Variants in GALK2 observed in about 807,000 individuals in gnomAD.
The protein encoded by GALK2 is galactokinase 2.
A neutral mutation model predicts 52.4 loss-of-function variants in GALK2; 36 were observed. The ratio of observed to expected loss-of-function variants is 0.69; its 90% CI spans 0.53 to 0.91. The LOEUF (loss-of-function observed/expected upper bound fraction) is 0.91. Ranked by LOEUF, GALK2 falls within the 40% of genes least tolerant of loss-of-function variation. The pLI is 0.00. For synonymous variants in GALK2, 176 were observed against 199.1 expected (o/e 0.88, Z 0.98); for missense variants, 579 against 559.1 (o/e 1.04, Z -0.36).
chr15:49,309,229 G>A (rs185259876), intron 8 of GALK2, among the ~76,000 whole-genome samples: 9 of 152,260 alleles, frequency 5.9e-5, no homozygotes, highest in Non-Finnish European at 8.8e-5. Context: ...CTGGTTTCAC[G>A]TTCTAATAGA....
intron 5 of GALK2, among the ~76,000 whole-genome samples, chr15:49,253,295 C>T (rs2091686232): frequency 7.0e-6 from 1 of 143,856 alleles, no homozygotes; most frequent in African/African-American, 2.5e-5. Flanking sequence ...CTTAGCATCT[C>T]TCAGGAGATC....
chr15:49,255,727 A>T (rs149522341), intron 5 of GALK2, among the ~76,000 whole-genome samples: 1 of 152,086 alleles, frequency 6.6e-6, no homozygotes, highest in Non-Finnish European at 1.5e-5. Flanking sequence ...ATAAAGGTGG[A>T]GTTTTTGTTA....
chr15:49,348,273 C>T (rs1406308585), intron 3 of GALK2, among the ~76,000 whole-genome samples: 1 of 152,124 alleles, frequency 6.6e-6, no homozygotes, highest in Non-Finnish European at 1.5e-5. Context: ...CTCCACAAAG[C>T]TATTCCAAAT....
chr15:49,356,139 C>T (rs1035068905), intron 3 of GALK2, among the ~76,000 whole-genome samples: 9 of 151,932 alleles, frequency 5.9e-5, no homozygotes, highest in African/African-American at 2.2e-4. Context: ...TAAAATCATG[C>T]CAAAATGTAA....
chr15:49,355,258 C>T (rs1025747052), intron 3 of GALK2, among the ~76,000 whole-genome samples: 1 of 152,188 alleles, frequency 6.6e-6, no homozygotes, highest in Non-Finnish European at 1.5e-5. Flanking sequence ...TTGAAGAGCT[C>T]AGAGAAGAAG....
At chr15:49,283,040 C>T (rs2032917334) in intron 6 of GALK2, among the ~76,000 whole-genome samples, 2 of 152,138 alleles carry the variant, frequency 1.3e-5, no homozygotes, top group South Asian at 4.1e-4. Flanking sequence ...CCACTTCTCA[C>T]CCCTCAAACT....
Position 49,283,641 on chromosome 15 carries a change from A to G in GALK2, c.679A>G (p.Asn227Asp), listed in dbSNP as rs539882250. ...AAGTGGAGCAGTGTTTGTGATTGCC[A>G]ACAGTTGTGTGGAGATGAATAAGGC... ...LPSGAVFVIA[N>D]SCVEMNKAAT... Residue 227 changes from asparagine to aspartate, a missense_variant, in exon 7 of 10, where the codon AAC becomes GAC. Physicochemically the swap from Asn to Asp is conservative, Grantham distance 23. Coordinates refer to ENST00000560031, the MANE Select transcript of GALK2 (RefSeq NM_002044.4). The G allele has an allele frequency of 8.1e-6, 13 of 1,614,076 alleles. No individual in the cohort carries two copies. In the Admixed American group the frequency reaches 1.2e-4, roughly 14 times the overall value.
At chr15:49,293,317 G>A (rs983253798) in intron 8 of GALK2, among the ~76,000 whole-genome samples, 1 of 152,232 alleles carries the variant, frequency 6.6e-6, no homozygotes, top group African/African-American at 2.4e-5. Context: ...ACTTTGGGAT[G>A]AGATAAGGGA....
rs772142490 is a variant in GALK2 at position 49,217,275 on chromosome 15, G to A, written c.228G>A (p.Thr76=). 18 of 1,613,608 alleles carry A rather than the reference G, an allele frequency of 1.1e-5. No homozygotes were observed. Among genetic ancestry groups the A allele is most frequent in the African/African-American group, 2.7e-5 (2 of 74,876 alleles). Residue 76 remains threonine (T), a synonymous_variant, in exon 3 of 10, where the codon ACG becomes ACA. Transcript: ENST00000560031. ...DVLIAVEPVK[T]YALQLANTNP... Reference sequence around the variant, plus strand: ...TAATAGCTGTAGAACCTGTGAAAACGTACGCTCTCCAACTGGCCAATACAA... The same window carrying A: ...TAATAGCTGTAGAACCTGTGAAAACATACGCTCTCCAACTGGCCAATACAA...
intron 1 of GALK2, among the ~76,000 whole-genome samples, chr15:49,192,474 TA>T (rs2086798138): frequency 1.0e-5 from 1 of 97,914 alleles, no homozygotes; most frequent in Non-Finnish European, 2.0e-5. Flanking sequence ...CAATGAATAT[TA>T]TATATATATG....
chr15:49,239,661 C>A (rs963603435), intron 5 of GALK2, among the ~76,000 whole-genome samples: 4 of 152,144 alleles, frequency 2.6e-5, no homozygotes, highest in Admixed American at 2.6e-4. Context: ...AAATTTAGGG[C>A]AAGAAATTCT....
In GALK2 at chr15:49,329,846, T is replaced by C; in HGVS notation, c.*1687T>C. 1.3e-6 allele frequency: 1 copy of C among 788,588 alleles called. No individual in the cohort carries two copies. The highest frequency in any genetic ancestry group is 1.5e-6 in the Non-Finnish European group (1 of 651,202). 48.8% of individuals were successfully genotyped at this position (788,588 alleles called of 1,614,324 possible). Reference sequence around the variant, plus strand: ...AAAGGCACCTGTCATTGTTTTGCTGTTCCATTTACAATTTTCACCAGGTGA... The same window carrying C: ...AAAGGCACCTGTCATTGTTTTGCTGCTCCATTTACAATTTTCACCAGGTGA... On this transcript the variant is annotated 3_prime_UTR_variant, in exon 10 of 10. Transcript: ENST00000560031.
At chr15:49,181,021 A>ATCCT (rs138715818) in intron 1 of GALK2, among the ~76,000 whole-genome samples, 2,596 of 124,894 alleles carry the variant, frequency 0.021, 73 homozygotes, top group African/African-American at 0.058. Context: ...TGCTAGACCA[A>ATCCT]TCCTTCCTTC....
intron 7 of GALK2, among the ~76,000 whole-genome samples, chr15:49,289,697 G>T (rs541905979): frequency 6.6e-6 from 1 of 152,276 alleles, no homozygotes; most frequent in African/African-American, 2.4e-5. Flanking sequence ...AGACTCACCT[G>T]CCAATATCAG....
At chr15:49,173,261 T>C (rs1171999895) in intron 1 of GALK2, among the ~76,000 whole-genome samples, 1 of 152,194 alleles carries the variant, frequency 6.6e-6, no homozygotes, top group Non-Finnish European at 1.5e-5. Context: ...CATTCCTTTT[T>C]ATGGTTAAAT....
At chr15:49,241,587 G>A (rs781139263) in intron 5 of GALK2, among the ~76,000 whole-genome samples, 8 of 152,208 alleles carry the variant, frequency 5.3e-5, no homozygotes, top group Admixed American at 1.3e-4. Context: ...GACAAGAGCA[G>A]TTTTAGATGG....
At chr15:49,320,324 T>G (rs1218308333) in intron 9 of GALK2, among the ~76,000 whole-genome samples, 2 of 152,150 alleles carry the variant, frequency 1.3e-5, no homozygotes, top group African/African-American at 4.8e-5. Flanking sequence ...TAGGTTTAGT[T>G]TAGGCAGTTT....
At chr15:49,332,098 C>G (rs1395112451), downstream of GALK2, among the ~76,000 whole-genome samples, 1 of 143,414 alleles carries the variant, frequency 7.0e-6, no homozygotes, top group African/African-American at 3.0e-5. Context: ...CACACACACA[C>G]ACACACACAC....
intron 5 of GALK2, among the ~76,000 whole-genome samples, chr15:49,256,143 T>C (rs1478411986): frequency 1.3e-5 from 2 of 152,130 alleles, no homozygotes; most frequent in Non-Finnish European, 1.5e-5. Context: ...GCAACGCGAA[T>C]TTGGTTTGAC....
Sources: gnomAD v4.1 joint callset for allele counts (sites outside exome capture counted in the v4.1 genomes callset) on GRCh38, gnomAD v4.1.1 for gene constraint, MANE v1.5 for transcripts, NCBI Gene and HGNC (gene_info 2026-07-23, HGNC 2026-07-21) for gene names.